The following SMYD3 variants were observed in gnomAD, a reference collection of about 807,000 sequenced individuals.
SMYD3 encodes the protein histone-lysine N-methyltransferase SMYD3.
In SMYD3, 36 loss-of-function variants were observed where a neutral mutation model predicts 57.7. That is an observed-to-expected ratio of 0.62 (90% CI 0.48 to 0.82). The LOEUF (loss-of-function observed/expected upper bound fraction) is 0.82, where lower values mean the gene tolerates loss of function less well. Ranked by LOEUF, SMYD3 falls within the 40% of genes least tolerant of loss-of-function variation. The pLI, the probability that SMYD3 is intolerant of heterozygous loss-of-function variation, is 0.00. For missense variants in SMYD3, 515 were observed against 538.8 expected (o/e 0.96, Z 0.44); for synonymous variants, 211 against 195.0 (o/e 1.08, Z -0.68).
chr1:245,948,401 T>C (rs1271461445), intron 5 of SMYD3, among the ~76,000 whole-genome samples: 1 of 152,056 alleles, frequency 6.6e-6, no homozygotes, highest in Non-Finnish European at 1.5e-5. Context: ...CTCCCCACTG[T>C]GTGGAGAGAG....
chr1:246,386,622 T>G lies in SMYD3; in HGVS notation c.165-31528A>C, dbSNP rs1005766013. ...TCCTGGCCAATAGTGAGATTTCACC[T>G]CTGTTATCTTTTAATTGTTAAAAAA... On this transcript the variant is annotated intron_variant, in intron 1 of 11. Transcript: ENST00000490107. 6.4e-4 allele frequency among the ~76,000 whole-genome samples: 95 copies of G among 148,188 alleles called. 1 individual carries two copies. Among genetic ancestry groups the G allele is most frequent in the African/African-American group, 2.3e-3 (94 of 40,576 alleles).
At chr1:245,808,675 C>T (rs563800131) in intron 10 of SMYD3, among the ~76,000 whole-genome samples, 2 of 152,266 alleles carry the variant, frequency 1.3e-5, no homozygotes, top group East Asian at 3.9e-4. Context: ...ATTGAGGCTG[C>T]AGTGTGCCTC....
At chr1:246,245,120 C>CT (rs74163421) in intron 5 of SMYD3, among the ~76,000 whole-genome samples, 10,652 of 122,784 alleles carry the variant, frequency 0.087, 486 homozygotes, top group East Asian at 0.15. Flanking sequence ...CAGCTACTGC[C>CT]TTTTTTTTTT....
intron 1 of SMYD3, among the ~76,000 whole-genome samples, chr1:246,375,830 A>G (rs889410686): frequency 2.6e-5 from 4 of 152,090 alleles, no homozygotes; most frequent in Non-Finnish European, 5.9e-5. Flanking sequence ...CCTGGGTTGA[A>G]GCAACAATCC....
At chr1:246,267,267 A>G (rs2064127644) in intron 5 of SMYD3, among the ~76,000 whole-genome samples, 1 of 152,214 alleles carries the variant, frequency 6.6e-6, no homozygotes, top group South Asian at 2.1e-4. Flanking sequence ...TACAAAGCAA[A>G]TGGTCATGCA....
intron 5 of SMYD3, among the ~76,000 whole-genome samples, chr1:246,058,882 CTTT>C (rs545692737): frequency 2.8e-5 from 4 of 142,968 alleles, no homozygotes; most frequent in Admixed American, 6.9e-5. Flanking sequence ...ATCCACATTT[CTTT>C]TTTTTTTTTT....
chr1:246,036,216 T>C (rs909876257), intron 5 of SMYD3, among the ~76,000 whole-genome samples: 1 of 152,222 alleles, frequency 6.6e-6, no homozygotes, highest in African/African-American at 2.4e-5. Context: ...GCTTTTCAGA[T>C]CTTATCTGAT....
chr1:246,123,930 C>T (rs947438333), intron 5 of SMYD3, among the ~76,000 whole-genome samples: 5 of 152,256 alleles, frequency 3.3e-5, no homozygotes, highest in Admixed American at 1.3e-4. Context: ...TTCCTATCAA[C>T]GCCTCTTACA....
chr1:246,217,268 C>T (rs1196279159), intron 5 of SMYD3, among the ~76,000 whole-genome samples: 1 of 152,056 alleles, frequency 6.6e-6, no homozygotes, highest in Non-Finnish European at 1.5e-5. Context: ...TCAATCCAGG[C>T]CTCAAAGAAT....
At chr1:246,226,446 G>C (rs1434696989) in intron 5 of SMYD3, among the ~76,000 whole-genome samples, 1 of 152,186 alleles carries the variant, frequency 6.6e-6, no homozygotes, top group Admixed American at 6.5e-5. Context: ...CAATGGCTGT[G>C]CTAGAATAAT....
chr1:246,195,113 T>C (rs763339993), intron 5 of SMYD3, among the ~76,000 whole-genome samples: 1 of 152,302 alleles, frequency 6.6e-6, no homozygotes, highest in African/African-American at 2.4e-5. Context: ...TTTGCACATA[T>C]GACATAATAC....
chr1:245,787,751 A>T (rs992018223), intron 10 of SMYD3, among the ~76,000 whole-genome samples: 5 of 152,178 alleles, frequency 3.3e-5, no homozygotes, highest in African/African-American at 1.2e-4. Flanking sequence ...TAATAGGTAA[A>T]ATTTGAAACA....
At chr1:246,500,020 C>A (rs1192274086) in intron 1 of SMYD3, among the ~76,000 whole-genome samples, 1 of 145,804 alleles carries the variant, frequency 6.9e-6, no homozygotes, top group Non-Finnish European at 1.5e-5. Context: ...GACTGTATCG[C>A]TTCTGTTGCC....
chr1:246,190,549 C>G (rs999782179), intron 5 of SMYD3, among the ~76,000 whole-genome samples: 5 of 125,598 alleles, frequency 4.0e-5, no homozygotes. Flanking sequence ...CGTGCCATTG[C>G]ACTCCAACCT....
rs559849635 is a variant in SMYD3 at position 246,442,342 on chromosome 1, A to T, written c.164+64712T>A. 1.1e-4 allele frequency among the ~76,000 whole-genome samples: 17 copies of T among 152,270 alleles called. 2 individuals are homozygous for T. The highest frequency in any genetic ancestry group is 4.1e-4 in the African/African-American group (17 of 41,534). ...GAGGCCGAGGCAGGCTGAGGTCACG[A>T]GTTCAAGACCAGCCTGGCCAACCCG... is the stretch of plus-strand genomic sequence containing the variant. On this transcript the variant is annotated intron_variant, in intron 1 of 11. Transcript: ENST00000490107.
chr1:246,223,104 C>T (rs1023424840), intron 5 of SMYD3, among the ~76,000 whole-genome samples: 4 of 151,698 alleles, frequency 2.6e-5, no homozygotes, highest in Non-Finnish European at 1.5e-5. Flanking sequence ...GAGCTTTTAC[C>T]CATCTGCCCA....
intron 5 of SMYD3, among the ~76,000 whole-genome samples, chr1:245,980,098 T>C (rs77399487): frequency 9.5e-4 from 145 of 152,022 alleles, no homozygotes; most frequent in African/African-American, 3.3e-3. Context: ...CAGATGAGGA[T>C]GCAGGGCACA....
intron 4 of SMYD3, among the ~76,000 whole-genome samples, chr1:246,328,812 A>G (rs1438831460): frequency 2.6e-5 from 4 of 152,026 alleles, no homozygotes; most frequent in East Asian, 1.9e-4. Context: ...TTAGCATTAG[A>G]TATATATACT....
chr1:246,433,721 G>A (rs1007136075), intron 1 of SMYD3, among the ~76,000 whole-genome samples: 3 of 152,092 alleles, frequency 2.0e-5, no homozygotes, highest in East Asian at 1.9e-4. Flanking sequence ...CAGATTCAAC[G>A]CTATGCCTAT....
Sources: gnomAD v4.1 joint callset for allele counts (sites outside exome capture counted in the v4.1 genomes callset) on GRCh38, gnomAD v4.1.1 for gene constraint, MANE v1.5 for transcripts, NCBI Gene and HGNC (gene_info 2026-07-23, HGNC 2026-07-21) for gene names.